The following SPMIP6 variants were observed in gnomAD, a reference collection of about 807,000 sequenced individuals.
The protein encoded by SPMIP6 is ciliated bronchial epithelial protein 1.
the SPMIP6 span, among the ~76,000 whole-genome samples, chr9:34,388,693 C>T: frequency 6.6e-6 from 1 of 152,152 alleles, no homozygotes; most frequent in African/African-American, 2.4e-5. Flanking sequence ...GCCATTGCCT[C>T]TTCCTTCTCA....
the SPMIP6 span, among the ~76,000 whole-genome samples, chr9:34,384,882 A>C: frequency 1.6e-3 from 241 of 152,214 alleles, 5 homozygotes; most frequent in East Asian, 0.043. Context: ...GGAGCAAGAG[A>C]TAATTTTTAG....
chr9:34,380,937 G>A, the SPMIP6 span: 107 of 1,598,744 alleles, frequency 6.7e-5, no homozygotes, highest in Middle Eastern at 4.9e-4. Flanking sequence ...CGCAGGCGGC[G>A]GTCGGTGCAG....
the SPMIP6 span, chr9:34,379,793 T>G: frequency 5.2e-6 from 7 of 1,359,036 alleles, no homozygotes; most frequent in Non-Finnish European, 7.3e-6. This position sits in a 1 kb window ranked among gnomAD's most constrained non-coding sequence, Gnocchi z 4.2. Flanking sequence ...CATCCCCCGA[T>G]TTAGACCAAG....
At chr9:34,396,519 C>G in the SPMIP6 span, among the ~76,000 whole-genome samples, 12 of 152,118 alleles carry the variant, frequency 7.9e-5, no homozygotes, top group Admixed American at 4.6e-4. Flanking sequence ...CTCCCAGGTT[C>G]AAAAACCTGG....
At chr9:34,396,759 C>T in the SPMIP6 span, among the ~76,000 whole-genome samples, 2 of 152,180 alleles carry the variant, frequency 1.3e-5, no homozygotes, top group African/African-American at 4.8e-5. Flanking sequence ...TTCTGGCTCT[C>T]CACCTCTGCT....
the SPMIP6 span, among the ~76,000 whole-genome samples, chr9:34,391,894 A>G: frequency 6.6e-6 from 1 of 151,980 alleles, no homozygotes; most frequent in Non-Finnish European, 1.5e-5. Flanking sequence ...AGAGTTTTAG[A>G]TCTTTGCTTT....
the SPMIP6 span, among the ~76,000 whole-genome samples, chr9:34,392,442 C>CGTGTGTGTGTGTGTGT: frequency 2.0e-3 from 292 of 148,224 alleles, 1 homozygote; most frequent in Middle Eastern, 3.5e-3. The surrounding 1 kb of genome is among the most constrained non-coding windows in gnomAD (Gnocchi z 4.6). Flanking sequence ...ATCTAAAAAC[C>CGTGTGTGTGTGTGTGT]GTGTGTGTGT....
At chr9:34,386,818 G>A in the SPMIP6 span, among the ~76,000 whole-genome samples, 2 of 152,148 alleles carry the variant, frequency 1.3e-5, no homozygotes, top group African/African-American at 4.8e-5. Flanking sequence ...GTGACGCCTG[G>A]ATCAGGGCCT....
chr9:34,392,852 T>C, the SPMIP6 span, among the ~76,000 whole-genome samples: 3 of 152,176 alleles, frequency 2.0e-5, no homozygotes, highest in Admixed American at 6.5e-5. The surrounding 1 kb of genome is among the most constrained non-coding windows in gnomAD (Gnocchi z 4.6). Context: ...CATGGAATTG[T>C]ACATACACCT....
At chr9:34,379,900 G>A in the SPMIP6 span, 1 of 577,954 alleles carries the variant, frequency 1.7e-6, no homozygotes, top group Non-Finnish European at 3.1e-6. The surrounding 1 kb of genome is among the most constrained non-coding windows in gnomAD (Gnocchi z 4.2). Context: ...ACCGATTCGG[G>A]AACCCCCCTT....
At chr9:34,380,896 C>T in the SPMIP6 span, 1 of 1,555,378 alleles carries the variant, frequency 6.4e-7, no homozygotes, top group Non-Finnish European at 8.6e-7. Context: ...GCCCTGCGAA[C>T]CTTACAGTCG....
At chr9:34,397,029 G>C in the SPMIP6 span, among the ~76,000 whole-genome samples, 2 of 152,154 alleles carry the variant, frequency 1.3e-5, no homozygotes, top group Non-Finnish European at 2.9e-5. Flanking sequence ...ATGCATATAG[G>C]ACAGTTTCCG....
the SPMIP6 span, among the ~76,000 whole-genome samples, chr9:34,387,139 C>T: frequency 2.6e-5 from 4 of 151,910 alleles, no homozygotes; most frequent in Non-Finnish European, 4.4e-5. Context: ...GTGATCCTCC[C>T]GCCTCAGCCT....
chr9:34,383,752 T>C, the SPMIP6 span, among the ~76,000 whole-genome samples: 1 of 152,216 alleles, frequency 6.6e-6, no homozygotes, highest in Non-Finnish European at 1.5e-5. Flanking sequence ...AACTTTAAAA[T>C]GGGGATAATA....
chr9:34,379,869 CT>C, the SPMIP6 span: 2 of 646,010 alleles, frequency 3.1e-6, no homozygotes, highest in Non-Finnish European at 5.5e-6. This position sits in a 1 kb window ranked among gnomAD's most constrained non-coding sequence, Gnocchi z 4.2. Flanking sequence ...CTTCCTCACC[CT>C]TCAAAACCCC....
At chr9:34,381,058 G>A in the SPMIP6 span, 347 of 1,611,448 alleles carry the variant, frequency 2.2e-4, no homozygotes, top group Non-Finnish European at 2.9e-4. This position sits in a 1 kb window ranked among gnomAD's most constrained non-coding sequence, Gnocchi z 4.4. Flanking sequence ...CCACGCACCC[G>A]CATCGGGGCG....
At chr9:34,381,019 A>G in the SPMIP6 span, 6 of 1,611,564 alleles carry the variant, frequency 3.7e-6, no homozygotes, top group South Asian at 1.1e-5. This position sits in a 1 kb window ranked among gnomAD's most constrained non-coding sequence, Gnocchi z 4.4. Context: ...TTTCGTAACC[A>G]TGGAAGGGCA....
chr9:34,394,772 T>C, the SPMIP6 span, among the ~76,000 whole-genome samples: 4 of 152,172 alleles, frequency 2.6e-5, no homozygotes, highest in Non-Finnish European at 5.9e-5. Flanking sequence ...TAAATGCCTG[T>C]TTATAGTGCT....
At chr9:34,392,670 T>C in the SPMIP6 span, among the ~76,000 whole-genome samples, 2 of 152,226 alleles carry the variant, frequency 1.3e-5, no homozygotes, top group East Asian at 1.9e-4. This position sits in a 1 kb window ranked among gnomAD's most constrained non-coding sequence, Gnocchi z 4.6. Flanking sequence ...TTTGCATCTA[T>C]TTTTAAGCCT....
Sources: allele counts gnomAD v4.1 joint callset (sites outside exome capture counted in the v4.1 genomes callset), GRCh38; gene constraint gnomAD v4.1.1; non-coding constraint Gnocchi (gnomAD v3.1); transcripts MANE v1.5; gene names NCBI Gene and HGNC (gene_info 2026-07-23, HGNC 2026-07-21).